The following TUT7 variants were observed in gnomAD, a reference collection of about 807,000 sequenced individuals.
TUT7 encodes terminal uridylyl transferase 7, also known as terminal uridylyltransferase 7.
Under a neutral mutation model 165.9 loss-of-function variants are expected in TUT7, and 33 were observed. The ratio of observed to expected loss-of-function variants is 0.20; its 90% CI spans 0.15 to 0.27. TUT7 has a LOEUF of 0.27. Ranked by LOEUF, TUT7 falls within the 10% of genes least tolerant of loss-of-function variation. The pLI, the probability that TUT7 is intolerant of heterozygous loss-of-function variation, is 1.00. For synonymous variants in TUT7, 552 were observed against 608.1 expected, an observed-to-expected ratio of 0.91 and a Z score of 1.36; for missense variants, 1,338 against 1,762.3, an observed-to-expected ratio of 0.76 and a Z score of 4.31.
intron 2 of TUT7, among the ~76,000 whole-genome samples, chr9:86,351,462 C>T (rs1386624095): frequency 1.3e-5 from 2 of 152,104 alleles, no homozygotes; most frequent in African/African-American, 4.8e-5. Flanking sequence ...TATAAATAAA[C>T]AGATCTGACA....
At chr9:86,309,672 G>A in intron 19 of TUT7, 96 bp from the exon 20 acceptor site, 1 of 1,096,838 alleles carries the variant, frequency 9.1e-7, no homozygotes, top group Non-Finnish European at 1.3e-6. Context: ...CATATTTTGA[G>A]AACTAATATA....
chr9:86,340,306 A>C (rs889283591), intron 7 of TUT7, among the ~76,000 whole-genome samples: 1 of 152,256 alleles, frequency 6.6e-6, no homozygotes, highest in Non-Finnish European at 1.5e-5. Context: ...TAAAACCCTT[A>C]GTTTGTAAAG....
intron 14 of TUT7, among the ~76,000 whole-genome samples, chr9:86,321,963 C>A (rs1587934146): frequency 6.6e-6 from 1 of 152,128 alleles, no homozygotes; most frequent in East Asian, 1.9e-4. Flanking sequence ...GTGCTCCCAG[C>A]TACTTGGGAG....
At chr9:86,301,123 G>A (rs765527304) in intron 26 of TUT7, among the ~76,000 whole-genome samples, 153 bp downstream of exon 26, 2 of 152,298 alleles carry the variant, frequency 1.3e-5, no homozygotes, top group East Asian at 3.9e-4. Context: ...CATTAAAGGA[G>A]GGGGAAGGGA....
chr9:86,304,266 T>C (rs1255667070), intron 24 of TUT7, among the ~76,000 whole-genome samples: 4 of 152,200 alleles, frequency 2.6e-5, no homozygotes, highest in Non-Finnish European at 5.9e-5. Context: ...AGGAAATTAA[T>C]GCAGAAGAAC....
chr9:86,320,224 T>C (rs1022315719), intron 14 of TUT7, among the ~76,000 whole-genome samples: 2 of 136,904 alleles, frequency 1.5e-5, no homozygotes, highest in Non-Finnish European at 3.1e-5. Flanking sequence ...CTAGTTTTTT[T>C]AATAGCTCAT....
chr9:86,308,856 T>C (rs1827765161), intron 21 of TUT7, among the ~76,000 whole-genome samples: 1 of 152,214 alleles, frequency 6.6e-6, no homozygotes, highest in Admixed American at 6.5e-5. Context: ...GATCCAGAAA[T>C]AGATTCTAAG....
At chr9:86,338,679 G>A (rs568693797) in intron 9 of TUT7, 144 bp downstream of exon 9, 7 of 852,646 alleles carry the variant, frequency 8.2e-6, no homozygotes, top group African/African-American at 3.5e-5. Flanking sequence ...CCGTCTGTAC[G>A]TTTCTGTTGC....
intron 26 of TUT7, among the ~76,000 whole-genome samples, chr9:86,300,146 A>G (rs1826744628): frequency 1.3e-5 from 2 of 152,220 alleles, no homozygotes; most frequent in Admixed American, 1.3e-4. Flanking sequence ...CTAAAGCTGT[A>G]TCTTTCATAA....
At position 86,328,475 on chromosome 9, in the gene TUT7, T is replaced by G; in HGVS notation, c.1473A>C (p.Leu491Phe). 1 of 1,607,054 alleles carries G rather than the reference T, an allele frequency of 6.2e-7. No homozygotes were observed. Residue 491 changes from leucine (L) to phenylalanine (F), a missense_variant, in exon 11 of 27, where the codon TTA becomes TTC. Transcript: ENST00000375963. Reference protein sequence around the residue: ...YLGSWIEGFSLSKLGNFNLQD... With the variant: ...YLGSWIEGFSFSKLGNFNLQD... ...GAAGGTTGAAATTCCCTAGTTTGCT[T>G]AATGAGAATCCTTCAATCTAGGAAA... is the stretch of plus-strand genomic sequence containing the variant.
At position 86,346,316 on chromosome 9, in the gene TUT7, T is replaced by C; in HGVS notation, c.685A>G (p.Ile229Val). 1 of 1,613,656 alleles carries C rather than the reference T, an allele frequency of 6.2e-7. No individual in the cohort carries two copies. Among genetic ancestry groups the C allele is most frequent in the Non-Finnish European group, 8.5e-7 (1 of 1,179,794 alleles). Residue 229 changes from isoleucine (I) to valine (V), a missense_variant, in exon 3 of 27, where the codon ATT becomes GTT. This residue lies in a region of TUT7 where 434 missense variants were observed against 480.8 expected (regional missense o/e 0.90). Transcript: ENST00000375963. The stretch of plus-strand genomic sequence containing the variant: ...GATGTTACCCTTTTTAGCCTGTCAA[T>C]GCAGTCTCTCTTCAGTCTCTCCTCA... Reference protein sequence around the residue: ...QAEERLKRDCIDRLKRRPRNY... With the variant: ...QAEERLKRDCVDRLKRRPRNY...
chr9:86,302,978 T>C, intron 25 of TUT7, 108 bp downstream of exon 25: 1 of 559,480 alleles, frequency 1.8e-6, no homozygotes, highest in Non-Finnish European at 3.2e-6. Flanking sequence ...ATCTGAAAAC[T>C]GCTGGATTTT....
intron 12 of TUT7, among the ~76,000 whole-genome samples, chr9:86,324,838 G>C (rs1317731599): frequency 1.3e-5 from 2 of 152,166 alleles, no homozygotes; most frequent in Non-Finnish European, 2.9e-5. Context: ...TTATGAATAA[G>C]TTCTAAATGC....
chr9:86,323,167 C>T lies in TUT7; in HGVS notation c.2583G>A (p.Arg861=). The change falls in exon 13 of 27, where the codon AGG becomes AGA. Residue 861 remains arginine, a synonymous_variant. Transcript: ENST00000375963. ...CATCTTCCCTTTGGTTAATGGTGAG[C>T]CTAGGTTCTTCTTCCTCCTCCTCTT... The part of the protein sequence containing the change: ...DEEEEEEEEP[R]LTINQREDED... The T allele has an allele frequency of 1.9e-6, 3 of 1,614,122 alleles. No homozygotes were observed. Among genetic ancestry groups the T allele is most frequent in the South Asian group, 1.1e-5 (1 of 91,086 alleles).
In TUT7 at chr9:86,323,498, T is replaced by G. The variant is rs768500733; in HGVS notation, c.2252A>C (p.Glu751Ala). The change falls in exon 13 of 27, where the codon GAG becomes GCG. Residue 751 changes from glutamate to alanine, a missense_variant. Around this residue, in one of 7 missense-constraint regions of TUT7, gnomAD observed 425 missense variants for 474.9 expected, o/e 0.89. Transcript: ENST00000375963. ...VYHPETGRKN[E>A]KEKVGRKGKH... ...GCCCTTCCTTCCAACTTTCTCTTTCTCGTTTTTCCTTCCTGTTTCTGGATG... is the reference window on the plus strand; with the variant it reads ...GCCCTTCCTTCCAACTTTCTCTTTCGCGTTTTTCCTTCCTGTTTCTGGATG... 5 of 1,614,138 alleles carry G rather than the reference T, an allele frequency of 3.1e-6. No individual in the cohort carries two copies. The Admixed American group carries it at 8.3e-5, about 27-fold the overall frequency.
rs774755085 is a variant in TUT7, at chr9:86,353,044, T to C, written c.156A>G (p.Gln52=). 3.1e-6 allele frequency: 5 copies of C among 1,614,208 alleles called. No homozygotes were observed. Among genetic ancestry groups the C allele is most frequent in the East Asian group, 4.5e-5 (2 of 44,880 alleles). ...GHGSKMEKGL[Q]KKKITPGNYG... ...AGTTCCCTGGTGTTATCTTCTTTTTTTGAAGGCCCTTTTCCATTTTACTGC... is the reference window on the plus strand; with the variant it reads ...AGTTCCCTGGTGTTATCTTCTTTTTCTGAAGGCCCTTTTCCATTTTACTGC... The change falls in exon 2 of 27, where the codon CAA becomes CAG. Residue 52 remains glutamine (Q), a synonymous_variant. Coordinates refer to ENST00000375963, the MANE Select transcript of TUT7 (RefSeq NM_024617.4).
intron 2 of TUT7, among the ~76,000 whole-genome samples, chr9:86,351,942 C>T (rs974923580): frequency 2.2e-4 from 33 of 152,080 alleles, no homozygotes; most frequent in Admixed American, 2.0e-3. Flanking sequence ...TTGCAGAAAT[C>T]GTTGCCACAT....
intron 6 of TUT7, among the ~76,000 whole-genome samples, chr9:86,341,703 GCTCCCCCTGC>G (rs1037624426): frequency 2.0e-5 from 3 of 152,060 alleles, no homozygotes; most frequent in African/African-American, 4.8e-5. Context: ...TGCAAATGCT[GCTCCCCCTGC>G]CTGAAACTCT....
chr9:86,333,890 GA>G (rs1342859727), intron 10 of TUT7, among the ~76,000 whole-genome samples: 1 of 152,160 alleles, frequency 6.6e-6, no homozygotes, highest in Non-Finnish European at 1.5e-5. Flanking sequence ...TGTCGTAGCT[GA>G]AAATTCCTCT....
Sources: gnomAD v4.1 joint callset for allele counts (sites outside exome capture counted in the v4.1 genomes callset) on GRCh38, gnomAD v4.1.1 for gene constraint, gnomAD v4.1.1 regional missense constraint, MANE v1.5 for transcripts, NCBI Gene and HGNC (gene_info 2026-07-23, HGNC 2026-07-21) for gene names.